The following ZNF821 variants were observed in gnomAD, a reference collection of about 807,000 sequenced individuals.
The protein encoded by ZNF821 is zinc finger protein 821.
A neutral mutation model predicts 44.3 loss-of-function variants in ZNF821; 16 were observed. That is an observed-to-expected ratio of 0.36 (90% CI 0.24 to 0.55). The LOEUF (loss-of-function observed/expected upper bound fraction) is 0.55. ZNF821 is among the 20% of genes least tolerant of loss of function. ZNF821 has a pLI of 0.86. For missense variants in ZNF821, 436 were observed against 547.6 expected (o/e 0.80, Z 2.03); for synonymous variants, 204 against 197.6 (o/e 1.03, Z -0.27).
intron 3 of ZNF821, among the ~76,000 whole-genome samples, chr16:71,871,883 G>A (rs1567422713): frequency 6.6e-6 from 1 of 151,496 alleles, no homozygotes; most frequent in Non-Finnish European, 1.5e-5. Flanking sequence ...CCAGGCTGGA[G>A]TGCAATGGCG....
chr16:71,877,748 G>A (rs1009725342), intron 3 of ZNF821, among the ~76,000 whole-genome samples: 6 of 150,638 alleles, frequency 4.0e-5, no homozygotes, highest in South Asian at 2.1e-4. Flanking sequence ...GTGAAACCCC[G>A]TCTCTACAAA....
chr16:71,873,421 A>G (rs1270414935), intron 3 of ZNF821, among the ~76,000 whole-genome samples: 2 of 152,140 alleles, frequency 1.3e-5, no homozygotes, highest in Admixed American at 6.6e-5. Context: ...TCCATAACTA[A>G]TAACAATTTT....
chr16:71,895,003 G>A, exon 1 of ZNF821: 1 of 606,600 alleles, frequency 1.6e-6, no homozygotes, highest in Non-Finnish European at 2.9e-6. Context: ...CTTAAAAGCG[G>A]GGCGGGGGAA....
chr16:71,889,270 A>G (rs1319904703), upstream of ZNF821, among the ~76,000 whole-genome samples: 1 of 152,130 alleles, frequency 6.6e-6, no homozygotes, highest in African/African-American at 2.4e-5. Context: ...AAGAAAATAT[A>G]TGATGTTCAG....
At chr16:71,882,488 C>T (rs761063724) in intron 2 of ZNF821, among the ~76,000 whole-genome samples, 1 of 152,042 alleles carries the variant, frequency 6.6e-6, no homozygotes, top group Non-Finnish European at 1.5e-5. Flanking sequence ...TTGAACCAGA[C>T]AACATTTCAA....
At chr16:71,888,913 A>T (rs994801060), upstream of ZNF821, among the ~76,000 whole-genome samples, 1 of 152,226 alleles carries the variant, frequency 6.6e-6, no homozygotes, top group African/African-American at 2.4e-5. Context: ...ATATACACAA[A>T]TTGAAAGTAA....
intron 3 of ZNF821, among the ~76,000 whole-genome samples, chr16:71,873,232 G>A (rs1393778423): frequency 1.3e-5 from 2 of 152,022 alleles, no homozygotes; most frequent in Non-Finnish European, 2.9e-5. Context: ...TGAGGCAGGA[G>A]AATTGCCTGA....
chr16:71,868,060 G>A (rs935513358), intron 3 of ZNF821, 23 bp from the exon 4 acceptor site: 1 of 1,530,712 alleles, frequency 6.5e-7, no homozygotes, highest in Non-Finnish European at 8.7e-7. Context: ...AGGAAAAATA[G>A]TCAGGCCACC....
intron 1 of ZNF821, among the ~76,000 whole-genome samples, chr16:71,893,454 G>C (rs894887145): frequency 2.7e-5 from 4 of 150,594 alleles, no homozygotes; most frequent in African/African-American, 7.3e-5. Flanking sequence ...GAGCCACCAC[G>C]CCTGGCCCAC....
chr16:71,864,177 G>A lies in ZNF821; in HGVS notation c.378C>T (p.Asp126=). ...CAATCAACTGCTCCCGGCTCCCGCA[G>A]TCTAGCTGGCAGAGGGGACACTGGC... ...ELCQCPLCQL[D]CGSREQLIAH... The change falls in exon 6 of 8, where the codon GAC becomes GAT. Residue 126 remains aspartate, a synonymous_variant. Transcript: ENST00000425432. The A allele has an allele frequency of 6.2e-7, 1 of 1,614,246 alleles. No individual in the cohort carries two copies.
chr16:71,876,900 C>T (rs905672353), intron 3 of ZNF821, among the ~76,000 whole-genome samples: 3 of 152,158 alleles, frequency 2.0e-5, no homozygotes, highest in Admixed American at 6.5e-5. Flanking sequence ...CCACCGAGCT[C>T]GGCTAAAGAT....
intron 1 of ZNF821, chr16:71,894,750 G>A: frequency 1.1e-6 from 1 of 869,722 alleles, no homozygotes; most frequent in South Asian, 1.5e-5. Context: ...TGTCCAGGCT[G>A]GTCTGCAACT....
chr16:71,893,351 T>C (rs569041929), intron 1 of ZNF821, among the ~76,000 whole-genome samples: 1 of 148,804 alleles, frequency 6.7e-6, no homozygotes, highest in Non-Finnish European at 1.5e-5. Flanking sequence ...TTAGTAGAGA[T>C]GGGGTTTCAC....
At chr16:71,888,587 G>A (rs1349223882), upstream of ZNF821, among the ~76,000 whole-genome samples, 1 of 152,098 alleles carries the variant, frequency 6.6e-6, no homozygotes, top group Admixed American at 6.6e-5. Flanking sequence ...GGTTATAAAT[G>A]CATGGGTTTA....
At chr16:71,869,295 G>A (rs546101354) in intron 3 of ZNF821, among the ~76,000 whole-genome samples, 1 of 152,326 alleles carries the variant, frequency 6.6e-6, no homozygotes, top group South Asian at 2.1e-4. Context: ...CTCAGGTTCT[G>A]AGATAGGATA....
chr16:71,887,497 G>A (rs1324673125), upstream of ZNF821, among the ~76,000 whole-genome samples: 2 of 152,078 alleles, frequency 1.3e-5, no homozygotes, highest in South Asian at 2.1e-4. Context: ...TCCTGACCTC[G>A]TGATCCGCCC....
intron 1 of ZNF821, chr16:71,894,882 T>C (rs1256865032): frequency 5.4e-6 from 8 of 1,473,446 alleles, no homozygotes. Flanking sequence ...AAGTTTTCTC[T>C]GAATACCGAG....
At chr16:71,875,664 G>A (rs1348348910) in intron 3 of ZNF821, among the ~76,000 whole-genome samples, 2 of 151,842 alleles carry the variant, frequency 1.3e-5, no homozygotes, top group Non-Finnish European at 2.9e-5. Context: ...GGGTTACACC[G>A]TGTTAGCCAG....
intron 4 of ZNF821, 127 bp downstream of exon 4, chr16:71,867,785 C>G: frequency 7.6e-6 from 10 of 1,308,142 alleles, no homozygotes; most frequent in Middle Eastern, 3.8e-4. Context: ...TTTGGGGACA[C>G]TGAGGATCCA....
Sources: gnomAD v4.1 joint callset for allele counts (sites outside exome capture counted in the v4.1 genomes callset) on GRCh38, gnomAD v4.1.1 for gene constraint, MANE v1.5 for transcripts, NCBI Gene and HGNC (gene_info 2026-07-23, HGNC 2026-07-21) for gene names.